The following ARL15 variants were observed in gnomAD, a reference collection of about 807,000 sequenced individuals.
ARL15 encodes ARF like GTPase 15, also known as ADP-ribosylation factor-like protein 15.
ARL15 carries 19 observed loss-of-function variants against 25.2 expected under a neutral mutation model. The observed-to-expected ratio is 0.75, with a 90% confidence interval of 0.53 to 1.10. The LOEUF (loss-of-function observed/expected upper bound fraction) is 1.10. Ranked by LOEUF, ARL15 falls within the 50% of genes least tolerant of loss-of-function variation. The pLI, the probability that ARL15 is intolerant of heterozygous loss-of-function variation, is 0.00. For synonymous variants in ARL15, 94 were observed against 86.8 expected (o/e 1.08, Z -0.46); for missense variants, 220 against 246.0 (o/e 0.89, Z 0.71).
chr5:54,236,068 T>C (rs1166665739), intron 1 of ARL15, among the ~76,000 whole-genome samples: 1 of 152,150 alleles, frequency 6.6e-6, no homozygotes. Context: ...ATTTTTTAAA[T>C]GGCTTTATCA....
chr5:54,256,667 G>A (rs1458383056), intron 1 of ARL15, among the ~76,000 whole-genome samples: 3 of 149,414 alleles, frequency 2.0e-5, no homozygotes, highest in Non-Finnish European at 4.4e-5. Context: ...TTTCCCTGAT[G>A]AACACAGATG....
chr5:54,217,640 T>C (rs146451439), intron 1 of ARL15, among the ~76,000 whole-genome samples: 5 of 152,216 alleles, frequency 3.3e-5, no homozygotes, highest in African/African-American at 1.2e-4. Flanking sequence ...TGTAGACCTG[T>C]AGGGGTAAAA....
At chr5:53,993,004 C>T (rs1176862079) in intron 4 of ARL15, among the ~76,000 whole-genome samples, 5 of 151,460 alleles carry the variant, frequency 3.3e-5, no homozygotes, top group Non-Finnish European at 5.9e-5. Flanking sequence ...CAAGATGGCG[C>T]CATTGCACTC....
intron 3 of ARL15, among the ~76,000 whole-genome samples, chr5:54,117,594 T>C (rs1752944311): frequency 6.6e-6 from 1 of 152,150 alleles, no homozygotes; most frequent in Non-Finnish European, 1.5e-5. Context: ...TTTTAAAATA[T>C]TCTATGTGAC....
chr5:54,117,408 A>ACACAT (rs1561230328), intron 3 of ARL15, among the ~76,000 whole-genome samples: 1 of 86,828 alleles, frequency 1.2e-5, no homozygotes, highest in Non-Finnish European at 2.4e-5. Context: ...CACACACACA[A>ACACAT]ACCCAAAGAG....
intron 4 of ARL15, among the ~76,000 whole-genome samples, chr5:54,050,038 G>A (rs1416894507): frequency 3.9e-5 from 6 of 152,134 alleles, no homozygotes; most frequent in Non-Finnish European, 8.8e-5. Context: ...TCCTAGCCAT[G>A]TGCAGGGAAT....
chr5:54,136,393 C>A (rs1176516333), intron 3 of ARL15, among the ~76,000 whole-genome samples: 4 of 152,084 alleles, frequency 2.6e-5, no homozygotes, highest in Non-Finnish European at 5.9e-5. Context: ...AAAATACAAG[C>A]AAGTCAATTT....
chr5:54,105,834 C>T (rs559922253), intron 4 of ARL15, among the ~76,000 whole-genome samples: 8 of 152,216 alleles, frequency 5.3e-5, no homozygotes, highest in African/African-American at 1.4e-4. Context: ...TTGCCTGCCT[C>T]GGCCTCATTT....
intron 1 of ARL15, among the ~76,000 whole-genome samples, chr5:54,196,801 A>C (rs979140311): frequency 2.0e-5 from 3 of 152,184 alleles, no homozygotes; most frequent in Non-Finnish European, 2.9e-5. Flanking sequence ...TGAGTATATT[A>C]AACTGAAATA....
At chr5:53,926,685 A>G (rs1350704625) in intron 4 of ARL15, among the ~76,000 whole-genome samples, 2 of 152,164 alleles carry the variant, frequency 1.3e-5, no homozygotes, top group African/African-American at 4.8e-5. Flanking sequence ...ACTGATATCC[A>G]ATCTTACAGA....
intron 4 of ARL15, among the ~76,000 whole-genome samples, chr5:54,034,389 TCA>T (rs1012905276): frequency 6.6e-6 from 1 of 152,168 alleles, no homozygotes; most frequent in Non-Finnish European, 1.5e-5. Context: ...CCTCTAAGCT[TCA>T]ACCACATGAA....
chr5:54,156,642 T>A (rs2112355021), intron 2 of ARL15, among the ~76,000 whole-genome samples: 1 of 152,328 alleles, frequency 6.6e-6, no homozygotes, highest in South Asian at 2.1e-4. Flanking sequence ...GACGAAGATG[T>A]CAACAGCTGA....
At chr5:54,210,246 C>A (rs557289021) in intron 1 of ARL15, among the ~76,000 whole-genome samples, 1 of 152,120 alleles carries the variant, frequency 6.6e-6, no homozygotes, top group African/African-American at 2.4e-5. Flanking sequence ...ACACAGGCAT[C>A]ATTACCATAA....
At chr5:54,152,349 G>A (rs1482174108) in intron 3 of ARL15, among the ~76,000 whole-genome samples, 2 of 152,062 alleles carry the variant, frequency 1.3e-5, no homozygotes, top group Non-Finnish European at 2.9e-5. Context: ...CTTTATACAG[G>A]TTAGCCTAGC....
chr5:53,905,180 C>CA (rs1412330063), intron 4 of ARL15, among the ~76,000 whole-genome samples: 2 of 152,300 alleles, frequency 1.3e-5, no homozygotes, highest in African/African-American at 4.8e-5. Context: ...CATTAACACC[C>CA]ACTTCAGTCT....
intron 3 of ARL15, among the ~76,000 whole-genome samples, chr5:54,123,519 A>T (rs1160082613): frequency 6.6e-6 from 1 of 151,878 alleles, no homozygotes; most frequent in Non-Finnish European, 1.5e-5. Context: ...TTGTGTTTTG[A>T]AATTGCCATT....
intron 4 of ARL15, among the ~76,000 whole-genome samples, chr5:53,960,540 G>A (rs1747328876): frequency 6.6e-6 from 1 of 152,194 alleles, no homozygotes; most frequent in Admixed American, 6.5e-5. Context: ...TGTGACAGGA[G>A]CATTCAGTTC....
intron 1 of ARL15, among the ~76,000 whole-genome samples, chr5:54,249,553 T>C (rs529187472): frequency 6.6e-6 from 1 of 151,052 alleles, no homozygotes; most frequent in African/African-American, 2.4e-5. Context: ...GGTAACAATA[T>C]ACAGAAACAC....
chr5:54,028,069 C>T lies in ARL15; in HGVS notation c.462+85133G>A, dbSNP rs1022954429. On this transcript the variant is annotated intron_variant, in intron 4 of 4. Coordinates refer to ENST00000504924, the MANE Select transcript of ARL15 (RefSeq NM_019087.3). ...CCTAGTAGGTGGGATTACAGGCACCCGCCACCACGCCCGGCTAATTTTTTT... is the reference window on the plus strand; with the variant it reads ...CCTAGTAGGTGGGATTACAGGCACCTGCCACCACGCCCGGCTAATTTTTTT... Among the ~76,000 whole-genome samples the T allele has an allele frequency of 2.0e-5, 3 of 151,840 alleles. 1 individual carries two copies. The highest frequency in any genetic ancestry group is 4.8e-5 in the African/African-American group (2 of 41,318).
Sources: allele counts gnomAD v4.1 joint callset (sites outside exome capture counted in the v4.1 genomes callset), GRCh38; gene constraint gnomAD v4.1.1; transcripts MANE v1.5; gene names NCBI Gene and HGNC (gene_info 2026-07-23, HGNC 2026-07-21).